GFM2: variants seen among roughly 807,000 people sequenced by gnomAD.
The protein encoded by GFM2 is GTP dependent ribosome recycling factor mitochondrial 2, also known as ribosome-releasing factor 2, mitochondrial.
A neutral mutation model predicts 95.4 loss-of-function variants in GFM2; 72 were observed. The ratio of observed to expected loss-of-function variants is 0.76; its 90% confidence interval spans 0.62 to 0.92. GFM2 has a LOEUF of 0.92. Among genes scored for constraint, GFM2 ranks in the 40% least tolerant of loss-of-function variants. The probability of loss-of-function intolerance (pLI) is 0.00; values close to 1 mark genes in which losing one functional copy is unlikely to be tolerated. For missense variants in GFM2, 825 were observed against 924.1 expected, an observed-to-expected ratio of 0.89 and a Z score of 1.39; for synonymous variants, 276 against 317.5, an observed-to-expected ratio of 0.87 and a Z score of 1.39.
At chr5:74,738,685 C>T in intron 12 of GFM2, 43 bp from the exon 13 acceptor site, 1 of 1,558,064 alleles carries the variant, frequency 6.4e-7, no homozygotes, top group Admixed American at 2.0e-5. Context: ...AATACACTTC[C>T]CATAACTGCA....
At chr5:74,738,274 A>G (rs1742930565) in intron 14 of GFM2, 44 bp downstream of exon 14, 7 of 1,455,090 alleles carry the variant, frequency 4.8e-6, no homozygotes, top group Non-Finnish European at 6.6e-6. Flanking sequence ...TTGTAATTAA[A>G]TATTTAAGCT....
chr5:74,726,225 T>A, intron 17 of GFM2, 99 bp from the exon 18 acceptor site: 1 of 769,932 alleles, frequency 1.3e-6, no homozygotes, highest in African/African-American at 1.8e-5. Flanking sequence ...CAGGGTCTCA[T>A]ACAAGATAAA....
In GFM2 at chr5:74,743,668, CACAA is replaced by C. The variant is rs1238465433; in HGVS notation, c.849+2006_849+2009del. Among the ~76,000 whole-genome samples the C allele has an allele frequency of 2.0e-5, 3 of 152,282 alleles. No homozygotes were observed. The South Asian group carries it at 6.2e-4, about 32-fold the overall frequency. ...TTATAGCTCTTCTGTATTAAAACAA[CACAA>C]ACAAACTCAAAGAGGAATGAATTAT... On this transcript the variant is annotated intron_variant, in intron 10 of 20. Transcript: ENST00000296805.
chr5:74,734,913 T>TA (rs1439380239), intron 15 of GFM2, among the ~76,000 whole-genome samples: 2 of 152,206 alleles, frequency 1.3e-5, no homozygotes, highest in African/African-American at 2.4e-5. Context: ...CTAAAGTAGT[T>TA]AAAGGCTTGA....
rs1003499621 is a variant in GFM2 at position 74,758,874 on chromosome 5, A to C, written c.279T>G (p.Tyr93Ter). The stretch of plus-strand genomic sequence containing the variant: ...CTCCCAGTGATCTTGTATATCCGGA[A>C]TAGTACAATATTCTTTCTGTGGTGG... ...KTTTTERILYYSGYTRSLGDV... is the reference protein window; with the variant it reads ...KTTTTERILY The change falls in exon 5 of 21, where the codon TAT becomes TAG. Residue 93 changes from tyrosine (Y) to a stop codon, truncating the protein, a stop_gained. Coordinates refer to ENST00000296805, the MANE Select transcript of GFM2 (RefSeq NM_032380.5). LOFTEE classifies it high-confidence loss of function. The C allele has an allele frequency of 6.2e-7, 1 of 1,604,066 alleles. No homozygotes were observed. Among genetic ancestry groups the C allele is most frequent in the Non-Finnish European group, 8.5e-7 (1 of 1,170,906 alleles).
intron 17 of GFM2, among the ~76,000 whole-genome samples, chr5:74,728,592 GTATTTTATATTCTACATCTCA>G (rs1218949394): frequency 1.3e-5 from 2 of 151,980 alleles, no homozygotes; most frequent in Non-Finnish European, 2.9e-5. Flanking sequence ...TTCAAAGATA[GTATTTTATATTCTACATCTCA>G]TAATTCCAAT....
At position 74,725,971 on chromosome 5, in the gene GFM2, C is replaced by G. The variant is rs1750127948; in HGVS notation, c.1882G>C (p.Glu628Gln). Residue 628 changes from glutamate to glutamine, a missense_variant, in exon 18 of 21, where the codon GAA (glutamate) becomes CAA (glutamine). Glu to Gln is a conservative substitution (Grantham distance 29, BLOSUM62 2). Transcript: ENST00000296805. ...GLLKVSQEAI[E>Q]NGIHSACLQG... ...AGACATGCGCTGTGAATTCCATTTT[C>G]AATGGCCTCTTGGGAGACCTTCAAA... 1 of 1,611,310 alleles carries G rather than the reference C, an allele frequency of 6.2e-7. No individual in the cohort carries two copies. Among genetic ancestry groups the G allele is most frequent in the African/African-American group, 1.3e-5 (1 of 74,544 alleles).
In GFM2 at chr5:74,725,723, C is replaced by A; in HGVS notation, c.1945G>T (p.Ala649Ser). 6.2e-7 allele frequency: 1 copy of A among 1,613,646 alleles called. No homozygotes were observed. The highest frequency in any genetic ancestry group is 8.5e-7 in the Non-Finnish European group (1 of 1,179,742). Reference sequence around the variant, plus strand: ...ATTGTCAGGGAATGTAAAGTAATTGCTACATCCTGAATTGGGGATCCAAGC... The same window carrying A: ...ATTGTCAGGGAATGTAAAGTAATTGATACATCCTGAATTGGGGATCCAAGC... ...PLLGSPIQDVAITLHSLTIHP... is the reference protein window; with the variant it reads ...PLLGSPIQDVSITLHSLTIHP... Residue 649 changes from alanine (A) to serine (S), a missense_variant, in exon 19 of 21, where the codon GCA (alanine) becomes TCA (serine). Coordinates refer to ENST00000296805, the MANE Select transcript of GFM2 (RefSeq NM_032380.5).
intron 19 of GFM2, chr5:74,725,305 A>C: frequency 4.9e-6 from 1 of 205,090 alleles, no homozygotes; most frequent in Non-Finnish European, 9.7e-6. Context: ...GCTAACCTCA[A>C]ATCTGGCTTC....
intron 7 of GFM2, among the ~76,000 whole-genome samples, chr5:74,749,614 C>T (rs769664950): frequency 3.0e-4 from 45 of 152,136 alleles, no homozygotes; most frequent in Non-Finnish European, 5.0e-4. Context: ...GTTATAGATA[C>T]GTACTATAAA....
At chr5:74,758,544 A>G (rs942659237) in intron 5 of GFM2, among the ~76,000 whole-genome samples, 4 of 152,208 alleles carry the variant, frequency 2.6e-5, no homozygotes, top group South Asian at 4.1e-4. Flanking sequence ...GGGGACTGCT[A>G]TAAGGACTCT....
At chr5:74,748,282 TTA>T (rs1743492170) in intron 7 of GFM2, among the ~76,000 whole-genome samples, 1 of 152,186 alleles carries the variant, frequency 6.6e-6, no homozygotes, top group African/African-American at 2.4e-5. Flanking sequence ...TAGGTAAAAT[TTA>T]TATACAATAA....
At chr5:74,736,287 G>T in intron 15 of GFM2, 2 of 701,162 alleles carry the variant, frequency 2.9e-6, no homozygotes, top group Non-Finnish European at 3.5e-6. Context: ...AAGAGTTTGG[G>T]TGTGTGCTAG....
At chr5:74,758,788 A>T in intron 5 of GFM2, 61 bp downstream of exon 5, 2 of 1,074,946 alleles carry the variant, frequency 1.9e-6, no homozygotes, top group South Asian at 2.5e-5. Context: ...TGTTAACCAA[A>T]ATATTTTCCA....
chr5:74,742,275 C>T (rs1313505230), intron 10 of GFM2, among the ~76,000 whole-genome samples: 1 of 144,538 alleles, frequency 6.9e-6, no homozygotes, highest in Non-Finnish European at 1.5e-5. Flanking sequence ...AAAAAAACCA[C>T]ACTGTTAACA....
In GFM2 at chr5:74,746,165, G is replaced by A; in HGVS notation, c.609C>T (p.Ser203=). 2 of 1,477,556 alleles carry A rather than the reference G, an allele frequency of 1.4e-6. No homozygotes were observed. The highest frequency in any genetic ancestry group is 1.5e-5 in the South Asian group (1 of 68,670). The allele number at this position is 1,477,556 out of a possible 1,614,324, so 91.5% of individuals were successfully genotyped here. ...FLNKMDKTGA[S]FKYAVESIRE... ...TGATGCTTTCAACTGCATACTTAAA[G>A]CTGTAGAAAGCAAAATAATTATAGT... The change falls in exon 9 of 21, where the codon AGC becomes AGT. Residue 203 remains serine (S), a splice_region_variant and synonymous_variant. Transcript: ENST00000296805.
At chr5:74,753,076 G>GA (rs1031924448) in intron 5 of GFM2, among the ~76,000 whole-genome samples, 3 of 152,068 alleles carry the variant, frequency 2.0e-5, no homozygotes, top group African/African-American at 4.8e-5. Context: ...TAAATTGCCA[G>GA]AAAAAAGAGT....
Position 74,736,804 on chromosome 5 carries a change from T to G in GFM2, c.1502A>C (p.Lys501Thr). Reference protein sequence around the residue: ...FCTIEPPSLSKQPDLEHALKC... With the variant: ...FCTIEPPSLSTQPDLEHALKC... The stretch of plus-strand genomic sequence containing the variant: ...ACTAAGACCATTTATACCTGGCTGC[T>G]TAGACAGTGATGGGGGTTCTATGGT... The change falls in exon 15 of 21, where the codon AAG (lysine) becomes ACG (threonine). Residue 501 changes from lysine (K) to threonine (T), a missense_variant. Coordinates refer to ENST00000296805, the MANE Select transcript of GFM2 (RefSeq NM_032380.5). The G allele has an allele frequency of 6.2e-7, 1 of 1,613,902 alleles. No homozygotes were observed. Among genetic ancestry groups the G allele is most frequent in the Non-Finnish European group, 8.5e-7 (1 of 1,179,794 alleles).
At chr5:74,736,710 A>C (rs549510860) in intron 15 of GFM2, 86 bp downstream of exon 15, 1 of 1,567,362 alleles carries the variant, frequency 6.4e-7, no homozygotes, top group Non-Finnish European at 8.7e-7. Context: ...CCTCAATCAC[A>C]TAAGAAATCT....
Sources: gnomAD v4.1 joint callset for allele counts (sites outside exome capture counted in the v4.1 genomes callset) on GRCh38, gnomAD v4.1.1 for gene constraint, MANE v1.5 for transcripts, NCBI Gene and HGNC (gene_info 2026-07-23, HGNC 2026-07-21) for gene names.